Variants in TIAM1 observed in about 807,000 individuals in gnomAD.
TIAM1 encodes rho guanine nucleotide exchange factor TIAM1.
Under a neutral mutation model 163.5 loss-of-function variants are expected in TIAM1, and 65 were observed. The ratio of observed to expected loss-of-function variants is 0.40; its 90% confidence interval spans 0.33 to 0.49. The LOEUF (loss-of-function observed/expected upper bound fraction) is 0.49, where lower values mean the gene tolerates loss of function less well. Among genes scored for constraint, TIAM1 ranks in the 20% least tolerant of loss-of-function variants. The pLI, the probability that TIAM1 is intolerant of heterozygous loss-of-function variation, is 0.77. For missense variants in TIAM1, 1,789 were observed against 2,044.7 expected, an observed-to-expected ratio of 0.87 and a Z score of 2.41; for synonymous variants, 833 against 810.1, an observed-to-expected ratio of 1.03 and a Z score of -0.48.
chr21:31,467,635 A>T (rs1421599238), intron 1 of TIAM1, among the ~76,000 whole-genome samples: 1 of 151,240 alleles, frequency 6.6e-6, no homozygotes, highest in Non-Finnish European at 1.5e-5. Flanking sequence ...CAAAAAAAAA[A>T]AGAATAAATA....
At chr21:31,199,616 C>T (rs1177603835) in intron 12 of TIAM1, among the ~76,000 whole-genome samples, 22 of 152,004 alleles carry the variant, frequency 1.4e-4, no homozygotes, top group Admixed American at 4.6e-4. Context: ...CTGTAACCTC[C>T]GCCTCCCGGG....
Position 31,181,451 on chromosome 21 carries a change from G to A in TIAM1, c.2887+970C>T, listed in dbSNP as rs77633607. ...ACTTCGAAAGGCAGGTGGCACTCAC[G>A]CTGCTTCTAGTAGAATGAGCACAGG... is the stretch of plus-strand genomic sequence containing the variant. On this transcript the variant is annotated intron_variant, in intron 15 of 27. Transcript: ENST00000541036. Among the ~76,000 whole-genome samples the A allele has an allele frequency of 5.5e-3, 825 of 150,544 alleles. 12 individuals carry two copies. Among genetic ancestry groups the A allele is most frequent in the African/African-American group, 0.019 (795 of 41,192 alleles).
chr21:31,421,130 T>TAA (rs71193115), intron 2 of TIAM1, among the ~76,000 whole-genome samples: 2 of 135,352 alleles, frequency 1.5e-5, no homozygotes, highest in Non-Finnish European at 3.2e-5. Context: ...GACTTCCTCT[T>TAA]AAAAAAAAAA....
chr21:31,143,986 G>A (rs369334104), intron 20 of TIAM1, among the ~76,000 whole-genome samples: 2 of 151,882 alleles, frequency 1.3e-5, no homozygotes, highest in Non-Finnish European at 2.9e-5. Context: ...TGCCCACCTC[G>A]GCCTCCCAAA....
chr21:31,417,523 G>A (rs1415591936), intron 2 of TIAM1, among the ~76,000 whole-genome samples: 1 of 152,054 alleles, frequency 6.6e-6, no homozygotes, highest in African/African-American at 2.4e-5. Context: ...AGAACAGTAC[G>A]GGGGAAACCA....
At chr21:31,376,113 T>A (rs1029649720) in intron 2 of TIAM1, among the ~76,000 whole-genome samples, 1 of 152,192 alleles carries the variant, frequency 6.6e-6, no homozygotes, top group Non-Finnish European at 1.5e-5. Context: ...AAGCATTTCG[T>A]AAACGATACT....
chr21:31,417,177 C>T (rs2043402437), intron 2 of TIAM1, among the ~76,000 whole-genome samples: 1 of 152,136 alleles, frequency 6.6e-6, no homozygotes, highest in African/African-American at 2.4e-5. Context: ...CATGCGCCAC[C>T]ACGTCTGGCT....
At chr21:31,464,319 G>T (rs1349184090) in intron 1 of TIAM1, among the ~76,000 whole-genome samples, 2 of 152,178 alleles carry the variant, frequency 1.3e-5, no homozygotes, top group Non-Finnish European at 2.9e-5. Flanking sequence ...ATATTCCTAG[G>T]TCGGCAACAC....
intron 2 of TIAM1, among the ~76,000 whole-genome samples, chr21:31,377,391 C>T (rs746432706): frequency 1.4e-4 from 22 of 151,958 alleles, no homozygotes; most frequent in Admixed American, 2.0e-4. Context: ...TGGTTCTGCT[C>T]GTCTGACTAC....
At chr21:31,479,706 A>G (rs2046051024) in intron 1 of TIAM1, among the ~76,000 whole-genome samples, 1 of 152,186 alleles carries the variant, frequency 6.6e-6, no homozygotes, top group Non-Finnish European at 1.5e-5. Flanking sequence ...TGAAAAAGGA[A>G]GGATAAGAAG....
At chr21:31,245,926 A>T (rs1389640792) in intron 5 of TIAM1, among the ~76,000 whole-genome samples, 1 of 152,174 alleles carries the variant, frequency 6.6e-6, no homozygotes, top group Non-Finnish European at 1.5e-5. Context: ...TTTGGGTTTT[A>T]GAATGATTCA....
chr21:31,143,777 G>C (rs2082973492), intron 20 of TIAM1, among the ~76,000 whole-genome samples: 1 of 151,016 alleles, frequency 6.6e-6, no homozygotes, highest in South Asian at 2.1e-4. Flanking sequence ...GCCCAGGCTA[G>C]AGTGCGATGG....
intron 19 of TIAM1, among the ~76,000 whole-genome samples, chr21:31,148,066 C>T (rs1343871555): frequency 1.3e-5 from 2 of 148,986 alleles, no homozygotes; most frequent in Non-Finnish European, 3.0e-5. Context: ...TAATTAGATG[C>T]CTCACTACTC....
chr21:31,467,003 T>G (rs1602350015), intron 1 of TIAM1, among the ~76,000 whole-genome samples: 2 of 147,432 alleles, frequency 1.4e-5, no homozygotes, highest in Non-Finnish European at 3.0e-5. Flanking sequence ...ACTAAAAGAC[T>G]GGATTTAAAA....
intron 6 of TIAM1, among the ~76,000 whole-genome samples, chr21:31,241,074 A>G (rs2071149099): frequency 6.6e-6 from 1 of 152,170 alleles, no homozygotes; most frequent in Non-Finnish European, 1.5e-5. Context: ...GCCATGTAAG[A>G]AGACTTTGCT....
chr21:31,493,839 C>T (rs768936455), intron 1 of TIAM1, among the ~76,000 whole-genome samples: 2 of 152,128 alleles, frequency 1.3e-5, no homozygotes, highest in Non-Finnish European at 2.9e-5. Context: ...GCTGGCAGCA[C>T]AGTGGGTAGA....
chr21:31,123,780 G>C (rs1307624942), intron 27 of TIAM1, among the ~76,000 whole-genome samples: 1 of 152,148 alleles, frequency 6.6e-6, no homozygotes, highest in Non-Finnish European at 1.5e-5. Flanking sequence ...ATGTCATTAA[G>C]TCCCTAAGTA....
intron 2 of TIAM1, among the ~76,000 whole-genome samples, chr21:31,284,451 G>A (rs554475388): frequency 6.6e-5 from 10 of 152,198 alleles, no homozygotes; most frequent in African/African-American, 2.2e-4. Context: ...ACACACAGCA[G>A]GGGGGGTGGA....
At chr21:31,465,108 G>C (rs1412731751) in intron 1 of TIAM1, among the ~76,000 whole-genome samples, 1 of 151,380 alleles carries the variant, frequency 6.6e-6, no homozygotes, top group Admixed American at 6.6e-5. Flanking sequence ...TGCGGTGAGA[G>C]GATTCCCTCA....
Sources: gnomAD v4.1 joint callset for allele counts (sites outside exome capture counted in the v4.1 genomes callset) on GRCh38, gnomAD v4.1.1 for gene constraint, MANE v1.5 for transcripts, NCBI Gene and HGNC (gene_info 2026-07-23, HGNC 2026-07-21) for gene names.